The following DNMT3L variants were observed in gnomAD, a reference collection of about 807,000 sequenced individuals.
DNMT3L encodes the protein DNA (cytosine-5)-methyltransferase 3-like.
Under a neutral mutation model 36.2 loss-of-function variants are expected in DNMT3L, and 33 were observed. The ratio of observed to expected loss-of-function variants is 0.91; its 90% CI spans 0.69 to 1.22. The LOEUF (loss-of-function observed/expected upper bound fraction) is 1.22, where lower values mean the gene tolerates loss of function less well. DNMT3L is among the 50% of genes most tolerant of loss of function. The pLI, the probability that DNMT3L is intolerant of heterozygous loss-of-function variation, is 0.00. For synonymous variants in DNMT3L, 117 were observed against 121.7 expected, an observed-to-expected ratio of 0.96 and a Z score of 0.26; for missense variants, 310 against 303.1, an observed-to-expected ratio of 1.02 and a Z score of -0.17.
chr21:44,256,247 T>C lies in DNMT3L; in HGVS notation c.517-93A>G, dbSNP rs577798956. 1.9e-5 allele frequency: 25 copies of C among 1,308,288 alleles called. 1 individual carries two copies. The South Asian group carries it at 3.0e-4, about 16-fold the overall frequency. The allele number at this position is 1,308,288 out of a possible 1,614,324, so 81.0% of individuals were successfully genotyped here. A position where few individuals can be genotyped will look rare whatever the true frequency, so the allele number is the denominator to read the frequency against. ...TGAAAATTCTTCCCTGGATGAACAC[T>C]CACTCGAGACTCACCGGAGACACAC... On this transcript the variant is annotated intron_variant, in intron 6 of 11. Transcript: ENST00000628202.
intron 6 of DNMT3L, among the ~76,000 whole-genome samples, chr21:44,256,878 A>T (rs2040263336): frequency 6.6e-6 from 1 of 152,194 alleles, no homozygotes. Flanking sequence ...CCTATAAAAT[A>T]CCTTCCCATC....
In DNMT3L at chr21:44,261,407, C is replaced by T. The variant is rs184062852; in HGVS notation, c.-7-141G>A. 5.6e-5 allele frequency: 40 copies of T among 718,504 alleles called. 1 individual carries two copies. The East Asian group carries it at 1.1e-3, about 20-fold the overall frequency. The allele number at this position is 718,504 out of a possible 1,614,324, so 44.5% of individuals were successfully genotyped here. A position where few individuals can be genotyped will look rare whatever the true frequency, so the allele number is the denominator to read the frequency against. On this transcript the variant is annotated intron_variant, in intron 1 of 11. Coordinates refer to ENST00000628202, the MANE Select transcript of DNMT3L (RefSeq NM_175867.3). ...CCTGAACCCCCGCGGTGACACCCAC[C>T]TGCCCAACCCAGGGATGAGGGGCAG...
intron 7 of DNMT3L, among the ~76,000 whole-genome samples, chr21:44,255,792 C>T (rs1321480395): frequency 6.6e-6 from 1 of 152,216 alleles, no homozygotes; most frequent in Admixed American, 6.5e-5. Context: ...CACTTGTGGG[C>T]CTTAGTGGGT....
At chr21:44,256,855 G>T (rs1004348700) in intron 6 of DNMT3L, among the ~76,000 whole-genome samples, 1 of 152,332 alleles carries the variant, frequency 6.6e-6, no homozygotes, top group Middle Eastern at 3.4e-3. Flanking sequence ...CTTTCAGAGT[G>T]CTAGGCTCTG....
intron 2 of DNMT3L, 142 bp from the exon 3 acceptor site, chr21:44,260,981 C>T (rs1393937062): frequency 7.1e-7 from 1 of 1,412,534 alleles, no homozygotes; most frequent in Non-Finnish European, 9.9e-7. Context: ...CACACCTTAT[C>T]TTGGTGTGTT....
chr21:44,259,495 A>G lies in DNMT3L; in HGVS notation c.286T>C (p.Cys96Arg), dbSNP rs1208976564. 4 of 1,613,658 alleles carry G rather than the reference A, an allele frequency of 2.5e-6. No homozygotes were observed. The highest frequency in any genetic ancestry group is 2.2e-5 in the East Asian group (1 of 44,898). Residue 96 changes from cysteine to arginine, a missense_variant, in exon 5 of 12, where the codon TGC becomes CGC. Cys to Arg is a radical substitution (Grantham distance 180, BLOSUM62 -3). Coordinates refer to ENST00000628202, the MANE Select transcript of DNMT3L (RefSeq NM_175867.3). ...LYDDDGYQSY[C>R]SICCSGETLL... ...GTCTCTCCGGAGCAGCAGATGGAGC[A>G]GTAGGATTGGTACCCGTCATCGTCG...
At position 44,258,664 on chromosome 21, in the gene DNMT3L, C is replaced by G; in HGVS notation, c.375G>C (p.Leu125=). ...RCYCFECVDS[L]VGPGTSGKVH... ...CCTTCCCCGAGGTCCCGGGGCCGAC[C>G]AGGCTATCCACACACTCGAAGCAGT... The change falls in exon 6 of 12, where the codon CTG becomes CTC. Residue 125 remains leucine (L), a synonymous_variant. Coordinates refer to ENST00000628202, the MANE Select transcript of DNMT3L (RefSeq NM_175867.3). The surrounding 1 kb of genome is among the most constrained non-coding windows in gnomAD (Gnocchi z 6.2). The G allele has an allele frequency of 1.9e-6, 3 of 1,612,896 alleles. No homozygotes were observed. Among genetic ancestry groups the G allele is most frequent in the Non-Finnish European group, 2.5e-6 (3 of 1,179,966 alleles).
intron 6 of DNMT3L, among the ~76,000 whole-genome samples, chr21:44,257,550 G>A (rs1274240733): frequency 2.0e-5 from 3 of 149,984 alleles, no homozygotes; most frequent in African/African-American, 7.3e-5. Flanking sequence ...GCGTAGTGGC[G>A]GGCGCCTGTA....
chr21:44,254,588 A>AG, intron 8 of DNMT3L, 29 bp downstream of exon 8: 1 of 1,610,600 alleles, frequency 6.2e-7, no homozygotes. Context: ...CTCCCACTAC[A>AG]GTGTCTGAGA....
At position 44,259,641 on chromosome 21, in the gene DNMT3L, G is replaced by A; in HGVS notation, c.222C>T (p.Ala74=). The A allele has an allele frequency of 6.2e-7, 1 of 1,613,254 alleles. No homozygotes were observed. The highest frequency in any genetic ancestry group is 8.5e-7 in the Non-Finnish European group (1 of 1,179,864). ...CAGCCTCCCTGCCTACCTTACATGG[G>A]GCGCAGATCCCTCCCTCAAACAGAG... ...QHPLFEGGIC[A]PCKDKFLDAL... Residue 74 remains alanine, a synonymous_variant, in exon 4 of 12, where the codon GCC becomes GCT. Transcript: ENST00000628202.
At position 44,256,098 on chromosome 21, in the gene DNMT3L, C is replaced by A. The variant is rs148594562; in HGVS notation, c.573G>T (p.Arg191=). ...TGATGTCTTCAAAAAGGGACAGCAC[C>A]CGGACTGGCTGTCTCCTCCACACAG... ...TVPVWRRQPV[R]VLSLFEDIKK... Residue 191 remains arginine (R), a synonymous_variant, in exon 7 of 12, where the codon CGG becomes CGT. Transcript: ENST00000628202. 1,417 of 1,613,910 alleles carry A rather than the reference C, an allele frequency of 8.8e-4. 4 individuals carry two copies. The highest frequency in any genetic ancestry group is 5.0e-3 in the Middle Eastern group (30 of 6,060).
At chr21:44,261,419 G>A (rs2040318299) in intron 1 of DNMT3L, among the ~76,000 whole-genome samples, 153 bp from the exon 2 acceptor site, 3 of 152,234 alleles carry the variant, frequency 2.0e-5, no homozygotes, top group Non-Finnish European at 2.9e-5. Flanking sequence ...GCCCAACCCA[G>A]GGATGAGGGG....
chr21:44,261,266 GCTGTGTCAGGACACACGGACA>G lies in DNMT3L; in HGVS notation c.-7-21_-7-1del. 6.2e-7 allele frequency: 1 copy of G among 1,612,084 alleles called. No individual in the cohort carries two copies. Among genetic ancestry groups the G allele is most frequent in the Non-Finnish European group, 8.5e-7 (1 of 1,179,718 alleles). On this transcript the variant is annotated splice_acceptor_variant and splice_polypyrimidine_tract_variant and intron_variant, in intron 1 of 11. Transcript: ENST00000628202. LOFTEE classifies it low-confidence loss of function (5UTR_SPLICE). ...GGGCTGGGATGGCCGCCATGGGGAT[GCTGTGTCAGGACACACGGACA>G]CAGATGTGAGAAAGCCGTCAGCCCC... is the stretch of plus-strand genomic sequence containing the variant.
intron 8 of DNMT3L, 110 bp downstream of exon 8, chr21:44,254,507 T>G (rs2075606234): frequency 7.9e-7 from 1 of 1,273,518 alleles, no homozygotes; most frequent in Non-Finnish European, 1.1e-6. Context: ...TCAGGACTCC[T>G]CCCAGCCCCT....
chr21:44,254,841 T>A, intron 7 of DNMT3L, 136 bp from the exon 8 acceptor site: 2 of 771,086 alleles, frequency 2.6e-6, no homozygotes, highest in Admixed American at 2.9e-5. Context: ...TTGTTGTTGT[T>A]TTGAGATGGA....
intron 6 of DNMT3L, 105 bp from the exon 7 acceptor site, chr21:44,256,259 C>T: frequency 1.7e-6 from 2 of 1,147,828 alleles, no homozygotes; most frequent in Non-Finnish European, 2.6e-6. Flanking sequence ...ACTCGAGACT[C>T]ACCGGAGACA....
rs1450998201 is a variant in DNMT3L, at chr21:44,254,607, C to A, written c.693+10G>T. On this transcript the variant is annotated intron_variant, in intron 8 of 11. Coordinates refer to ENST00000628202, the MANE Select transcript of DNMT3L (RefSeq NM_175867.3). Reference sequence around the variant, plus strand: ...CACTACAGTGTCTGAGAGTTCACGGCGGTACTCACATCCTTCCTCACTGTG... The same window carrying A: ...CACTACAGTGTCTGAGAGTTCACGGAGGTACTCACATCCTTCCTCACTGTG... The A allele has an allele frequency of 6.2e-7, 1 of 1,613,282 alleles. No individual in the cohort carries two copies. Among genetic ancestry groups the A allele is most frequent in the East Asian group, 2.2e-5 (1 of 44,836 alleles).
At chr21:44,257,843 C>T (rs552106715) in intron 6 of DNMT3L, among the ~76,000 whole-genome samples, 57 of 152,290 alleles carry the variant, frequency 3.7e-4, no homozygotes, top group African/African-American at 1.2e-3. Context: ...CAGGCAAGGA[C>T]GTGCCAGGCC....
rs372299398 is a variant in DNMT3L, at chr21:44,254,719, G to C, written c.605-14C>G. The C allele has an allele frequency of 8.7e-6, 14 of 1,613,552 alleles. No homozygotes were observed. Among genetic ancestry groups the C allele is most frequent in the Non-Finnish European group, 1.2e-5 (14 of 1,179,836 alleles). On this transcript the variant is annotated splice_polypyrimidine_tract_variant and intron_variant, in intron 7 of 11. Transcript: ENST00000628202. ...AACTCGTCAGCTCTGGATGGGGAGA[G>C]ACCAGAAGGGCCCAGAGGGTGAGCG...
Sources: allele counts gnomAD v4.1 joint callset (sites outside exome capture counted in the v4.1 genomes callset), GRCh38; gene constraint gnomAD v4.1.1; non-coding constraint Gnocchi (gnomAD v3.1); transcripts MANE v1.5; gene names NCBI Gene and HGNC (gene_info 2026-07-23, HGNC 2026-07-21).